RGS7: variants seen among roughly 807,000 people sequenced by gnomAD.
RGS7 encodes regulator of G-protein signaling 7.
Under a neutral mutation model 81.1 loss-of-function variants are expected in RGS7, and 27 were observed. The ratio of observed to expected loss-of-function variants is 0.33; its 90% confidence interval spans 0.25 to 0.46. The LOEUF (loss-of-function observed/expected upper bound fraction) is 0.46. Ranked by LOEUF, RGS7 falls within the 20% of genes least tolerant of loss-of-function variation. The pLI is 1.00. For synonymous variants in RGS7, 208 were observed against 207.7 expected, an observed-to-expected ratio of 1.00 and a Z score of -0.01; for missense variants, 396 against 607.4, an observed-to-expected ratio of 0.65 and a Z score of 3.66.
At chr1:241,086,993 C>T (rs2148912646) in intron 3 of RGS7, among the ~76,000 whole-genome samples, 1 of 152,320 alleles carries the variant, frequency 6.6e-6, no homozygotes, top group Non-Finnish European at 1.5e-5. Flanking sequence ...CACACTCCTG[C>T]AGCCCTCTGG....
intron 2 of RGS7, among the ~76,000 whole-genome samples, chr1:241,116,791 T>C (rs1450936052): frequency 6.6e-6 from 1 of 152,158 alleles, no homozygotes; most frequent in Non-Finnish European, 1.5e-5. Context: ...GTGTTGGAAA[T>C]GTTCAGTATC....
chr1:241,158,985 T>C (rs1376496369), intron 2 of RGS7, among the ~76,000 whole-genome samples: 2 of 152,204 alleles, frequency 1.3e-5, no homozygotes, highest in Non-Finnish European at 1.5e-5. Flanking sequence ...CTGCAATATG[T>C]CTCAAAATAG....
At chr1:240,784,658 A>ATT (rs11451897) in intron 18 of RGS7, among the ~76,000 whole-genome samples, 21 of 141,228 alleles carry the variant, frequency 1.5e-4, no homozygotes, top group East Asian at 6.2e-4. Context: ...AAAAAAAAAG[A>ATT]TTTTTTTTTT....
chr1:241,126,916 A>C (rs370625245), intron 2 of RGS7, among the ~76,000 whole-genome samples: 12 of 151,848 alleles, frequency 7.9e-5, no homozygotes, highest in East Asian at 3.9e-4. Context: ...ACTATTGTTC[A>C]CTTCTTTCTT....
chr1:241,090,011 AAGAG>A (rs1553415263), intron 3 of RGS7, among the ~76,000 whole-genome samples: 4 of 141,766 alleles, frequency 2.8e-5, no homozygotes, highest in East Asian at 4.0e-4. Context: ...AAAAAAAAAA[AAGAG>A]AGAGAGAACA....
chr1:241,001,783 G>A (rs1389812297), intron 3 of RGS7, among the ~76,000 whole-genome samples: 1 of 152,192 alleles, frequency 6.6e-6, no homozygotes, highest in Non-Finnish European at 1.5e-5. Context: ...GGGTGGAAGA[G>A]ATGAACAGGT....
At position 241,212,800 on chromosome 1, in the gene RGS7, G is replaced by A. The variant is rs149271517; in HGVS notation, c.79-114038C>T. On this transcript the variant is annotated intron_variant, in intron 2 of 18. Transcript: ENST00000440928. ...CCTGGAACATAAGTAGGGCTTCCGC[G>A]TTGTTGTAGGACAGCTTTGTGTTCC... is the stretch of plus-strand genomic sequence containing the variant. 1.0e-3 allele frequency among the ~76,000 whole-genome samples: 159 copies of A among 152,288 alleles called. 3 individuals carry two copies. The East Asian group carries it at 0.026, about 25-fold the overall frequency.
At chr1:241,346,102 T>C (rs1321525820) in intron 2 of RGS7, among the ~76,000 whole-genome samples, 1 of 152,134 alleles carries the variant, frequency 6.6e-6, no homozygotes, top group Non-Finnish European at 1.5e-5. Flanking sequence ...AAAATAGGTG[T>C]TTCTATTACA....
intron 4 of RGS7, among the ~76,000 whole-genome samples, chr1:240,950,353 T>C (rs563685221): frequency 1.3e-5 from 2 of 152,286 alleles, no homozygotes; most frequent in African/African-American, 4.8e-5. Flanking sequence ...CAAAGGCCTC[T>C]ACCCCAAAGG....
At chr1:240,921,166 T>C (rs1469763052) in intron 6 of RGS7, among the ~76,000 whole-genome samples, 1 of 152,070 alleles carries the variant, frequency 6.6e-6, no homozygotes, top group African/African-American at 2.4e-5. Flanking sequence ...TAAAAGGAAA[T>C]AGCCAAGCAA....
chr1:240,861,495 C>T (rs1338776882), intron 9 of RGS7, among the ~76,000 whole-genome samples: 1 of 152,126 alleles, frequency 6.6e-6, no homozygotes, highest in Non-Finnish European at 1.5e-5. Flanking sequence ...TTCTAATCTA[C>T]TTGAATTTAT....
intron 4 of RGS7, among the ~76,000 whole-genome samples, chr1:240,944,280 GTGTATATATA>G (rs1209728209): frequency 2.8e-4 from 6 of 21,186 alleles, no homozygotes; most frequent in African/African-American, 7.9e-4. Context: ...GTGTGTGTGT[GTGTATATATA>G]TATATATATA....
At chr1:240,932,230 G>C (rs1017401372) in intron 5 of RGS7, among the ~76,000 whole-genome samples, 2 of 152,148 alleles carry the variant, frequency 1.3e-5, no homozygotes, top group African/African-American at 4.8e-5. Context: ...GTTCTTTCTT[G>C]GGAATTACAG....
intron 2 of RGS7, among the ~76,000 whole-genome samples, chr1:241,259,667 A>ATATAT (rs1553302296): frequency 2.4e-4 from 12 of 49,146 alleles, no homozygotes; most frequent in East Asian, 1.2e-3. Flanking sequence ...AAAAAAAAAA[A>ATATAT]ATATATATAT....
intron 2 of RGS7, among the ~76,000 whole-genome samples, chr1:241,207,120 C>T (rs910159854): frequency 4.0e-5 from 6 of 151,604 alleles, no homozygotes; most frequent in Non-Finnish European, 7.4e-5. Context: ...AGGTGCCCAC[C>T]ACCACGCCCG....
intron 6 of RGS7, among the ~76,000 whole-genome samples, chr1:240,880,269 C>T (rs765440074): frequency 2.0e-5 from 3 of 152,194 alleles, no homozygotes; most frequent in Admixed American, 6.5e-5. Flanking sequence ...CTTGAAGTCC[C>T]GGGCTCCAGC....
chr1:240,978,034 A>T lies in RGS7; in HGVS notation c.226+5045T>A, dbSNP rs375698448. 1.2e-4 allele frequency among the ~76,000 whole-genome samples: 18 copies of T among 152,366 alleles called. 1 individual carries two copies. The highest frequency in any genetic ancestry group is 3.9e-4 in the Admixed American group (6 of 15,306). The stretch of plus-strand genomic sequence containing the variant: ...TGAGGCAAGGATTACTCCCAGGTCC[A>T]GCTCGCTCCCCACCATACTTAGTCT... On this transcript the variant is annotated intron_variant, in intron 4 of 18. Transcript: ENST00000440928.
At chr1:241,279,731 C>G (rs1251155586) in intron 2 of RGS7, among the ~76,000 whole-genome samples, 1 of 152,218 alleles carries the variant, frequency 6.6e-6, no homozygotes, top group African/African-American at 2.4e-5. Flanking sequence ...TCCCCTACAT[C>G]AGTCCTAAAA....
chr1:240,883,668 C>T (rs1666820206), intron 6 of RGS7, among the ~76,000 whole-genome samples: 1 of 152,204 alleles, frequency 6.6e-6, no homozygotes, highest in Non-Finnish European at 1.5e-5. Context: ...CTGATGTCAA[C>T]CAAGACAATG....
Sources: gnomAD v4.1 joint callset for allele counts (sites outside exome capture counted in the v4.1 genomes callset) on GRCh38, gnomAD v4.1.1 for gene constraint, MANE v1.5 for transcripts, NCBI Gene and HGNC (gene_info 2026-07-23, HGNC 2026-07-21) for gene names.